Variants in SYNRG observed in about 807,000 individuals in gnomAD.
SYNRG encodes AP1 gamma subunit binding protein 1.
Under a neutral mutation model 130.9 loss-of-function variants are expected in SYNRG, and 37 were observed. That is an observed-to-expected ratio of 0.28 (90% confidence interval 0.22 to 0.37). The LOEUF is 0.37. Ranked by LOEUF, SYNRG falls within the 10% of genes least tolerant of loss-of-function variation. The pLI, the probability that SYNRG is intolerant of heterozygous loss-of-function variation, is 1.00. For synonymous variants in SYNRG, 539 were observed against 568.1 expected (o/e 0.95, Z 0.73); for missense variants, 1,338 against 1,588.9 (o/e 0.84, Z 2.68).
rs764937437 is a variant in SYNRG, at chr17:37,561,211, T to C, written c.1647A>G (p.Ala549=). ...YSAFRELEQT[A]ENKPLGESFA... ...AAAACTTACCTAAAGGTTTATTCTC[T>C]GCTGTCTGTTCAAGTTCTCTGAAAG... is the stretch of plus-strand genomic sequence containing the variant. The change falls in exon 13 of 22, where the codon GCA becomes GCG. Residue 549 remains alanine, a synonymous_variant. Coordinates refer to ENST00000612223, the MANE Select transcript of SYNRG (RefSeq NM_007247.6). The C allele has an allele frequency of 1.2e-6, 2 of 1,613,750 alleles. No individual in the cohort carries two copies. The highest frequency in any genetic ancestry group is 2.2e-5 in the South Asian group (2 of 91,046).
At chr17:37,521,162 A>G (rs1045285607) in intron 19 of SYNRG, among the ~76,000 whole-genome samples, 6 of 151,098 alleles carry the variant, frequency 4.0e-5, no homozygotes, top group Non-Finnish European at 7.4e-5. Context: ...CCTTCTGAGT[A>G]GCTGGGATTA....
intron 6 of SYNRG, among the ~76,000 whole-genome samples, chr17:37,581,523 C>T (rs2061336733): frequency 1.3e-5 from 2 of 152,150 alleles, no homozygotes; most frequent in African/African-American, 4.8e-5. Context: ...GGTGATCTGC[C>T]TGCCTTGGTC....
chr17:37,573,422 A>C (rs1158689887), intron 8 of SYNRG, among the ~76,000 whole-genome samples: 4 of 152,112 alleles, frequency 2.6e-5, no homozygotes, highest in Non-Finnish European at 4.4e-5. Flanking sequence ...AACAAACAAA[A>C]AAAACCATAT....
chr17:37,604,416 C>T (rs925630500), intron 1 of SYNRG, among the ~76,000 whole-genome samples: 1 of 152,130 alleles, frequency 6.6e-6, no homozygotes, highest in African/African-American at 2.4e-5. Flanking sequence ...TGTTAGCTTC[C>T]AACTTTTCTT....
chr17:37,598,745 T>C (rs1353773670), intron 2 of SYNRG, among the ~76,000 whole-genome samples: 3 of 152,188 alleles, frequency 2.0e-5, no homozygotes, highest in East Asian at 1.9e-4. Context: ...CCAAATTCCC[T>C]AAGAAAAAAT....
chr17:37,580,505 G>GTC, intron 6 of SYNRG, among the ~76,000 whole-genome samples: 1 of 136,860 alleles, frequency 7.3e-6, no homozygotes, highest in African/African-American at 3.2e-5. Context: ...GTGTGTGTGT[G>GTC]TGTGTGAGAG....
intron 13 of SYNRG, among the ~76,000 whole-genome samples, chr17:37,559,605 G>A (rs951589071): frequency 6.6e-6 from 1 of 152,094 alleles, no homozygotes. Context: ...AAGAAGAATC[G>A]CTTGAACCCA....
rs1334457303 is a variant in SYNRG at position 37,540,514 on chromosome 17, C to T, written c.3232G>A (p.Asp1078Asn). 2 of 1,614,078 alleles carry T rather than the reference C, an allele frequency of 1.2e-6. No individual in the cohort carries two copies. The highest frequency in any genetic ancestry group is 1.1e-5 in the South Asian group (1 of 91,082). The change falls in exon 16 of 22, where the codon GAT becomes AAT. Residue 1078 changes from aspartate (D) to asparagine (N), a missense_variant. Around this residue, in one of 3 missense-constraint regions of SYNRG, gnomAD observed 1,146 missense variants for 1,342.3 expected, o/e 0.85. Transcript: ENST00000612223. ...GSHKRSLSLG[D>N]KEISRSSPSP... ...GGAGAAGAACGGCTTATTTCTTTATCACCAAGGCTCAAACTCCTCTTGTGT... is the reference window on the plus strand; with the variant it reads ...GGAGAAGAACGGCTTATTTCTTTATTACCAAGGCTCAAACTCCTCTTGTGT...
chr17:37,567,222 G>A (rs2145877014), intron 11 of SYNRG: 1 of 152,382 alleles, frequency 6.6e-6, no homozygotes, highest in Non-Finnish European at 1.5e-5. Flanking sequence ...GTGGGCAGGA[G>A]TTAAGATCAC....
rs1034742741 is a variant in SYNRG at position 37,602,119 on chromosome 17, T to C, written c.78-1716A>G. On this transcript the variant is annotated intron_variant, in intron 1 of 21. Transcript: ENST00000612223. ...GGGAGGCCAAGGTAGGTGGATCACCTGAGGTTGGGAGTTCCAGACCAGCCT... is the reference window on the plus strand; with the variant it reads ...GGGAGGCCAAGGTAGGTGGATCACCCGAGGTTGGGAGTTCCAGACCAGCCT... Among the ~76,000 whole-genome samples, 10 of 152,210 alleles carry C rather than the reference T, an allele frequency of 6.6e-5. No homozygotes were observed. The East Asian group carries it at 1.6e-3, about 24-fold the overall frequency.
At chr17:37,588,258 CTTTTTT>C (rs35767898) in intron 3 of SYNRG, among the ~76,000 whole-genome samples, 1 of 103,204 alleles carries the variant, frequency 9.7e-6, no homozygotes, top group African/African-American at 3.9e-5. Context: ...ACTTTAAATT[CTTTTTT>C]TTTTTTTTTT....
chr17:37,565,740 T>C (rs1366966859), intron 11 of SYNRG, among the ~76,000 whole-genome samples: 27 of 125,784 alleles, frequency 2.1e-4, no homozygotes, highest in African/African-American at 3.7e-4. Flanking sequence ...GCCGCGACCC[T>C]GTCTGGGAGG....
At chr17:37,557,216 T>C (rs1598325783) in intron 13 of SYNRG, 1 of 152,192 alleles carries the variant, frequency 6.6e-6, no homozygotes, top group Non-Finnish European at 1.5e-5. Flanking sequence ...AAAATTTCAA[T>C]AAAAATGTGT....
intron 14 of SYNRG, among the ~76,000 whole-genome samples, chr17:37,548,181 TCA>T (rs2058430471): frequency 6.6e-6 from 1 of 152,148 alleles, no homozygotes; most frequent in African/African-American, 2.4e-5. Context: ...AAGAAATTCC[TCA>T]GTCAAAGCCA....
chr17:37,593,135 C>T (rs1334746181), intron 3 of SYNRG, among the ~76,000 whole-genome samples: 16 of 151,916 alleles, frequency 1.1e-4, no homozygotes, highest in South Asian at 2.1e-4. Context: ...AATTTCTGGC[C>T]GGCGCGATGG....
At chr17:37,578,548 C>T (rs1014911619) in intron 6 of SYNRG, among the ~76,000 whole-genome samples, 6 of 152,204 alleles carry the variant, frequency 3.9e-5, no homozygotes. Flanking sequence ...CCTAGGGAGG[C>T]CTCTGGCCAG....
chr17:37,600,952 G>C (rs2063216915), intron 1 of SYNRG: 1 of 157,190 alleles, frequency 6.4e-6, no homozygotes, highest in Admixed American at 6.4e-5. Flanking sequence ...TATATTTTGA[G>C]CAAAAGCTCT....
rs34008016 is a variant in SYNRG at position 37,577,695 on chromosome 17, CTTTTTTTTTTTT to C, written c.590-94_590-83del. ...AACCATCCATCTCCACCCCCATATTCTTTTTTTTTTTTTTTTTTTTTGAGATGGAATCTCACT... is the reference window on the plus strand; with the variant it reads ...AACCATCCATCTCCACCCCCATATTCTTTTTTTTTGAGATGGAATCTCACT... On this transcript the variant is annotated intron_variant, in intron 6 of 21. Transcript: ENST00000612223. The C allele has an allele frequency of 4.1e-5, 24 of 584,704 alleles. 1 individual carries two copies. Among genetic ancestry groups the C allele is most frequent in the Non-Finnish European group, 6.5e-5 (24 of 370,488 alleles). The allele number at this position is 584,704 out of a possible 1,614,324, so 36.2% of individuals were successfully genotyped here.
chr17:37,539,172 C>T lies in SYNRG; in HGVS notation c.3420+20G>A, dbSNP rs761856042. ...AAAAGAGCACTCACATATGTGTGAA[C>T]GCGTAAGTGACATACTCACATTCAG... On this transcript the variant is annotated intron_variant, in intron 17 of 21. Coordinates refer to ENST00000612223, the MANE Select transcript of SYNRG (RefSeq NM_007247.6). The T allele has an allele frequency of 5.0e-5, 81 of 1,613,532 alleles. No individual in the cohort carries two copies. In the East Asian group the frequency reaches 8.0e-4, roughly 16 times the overall value.
Sources: allele counts gnomAD v4.1 joint callset (sites outside exome capture counted in the v4.1 genomes callset), GRCh38; gene constraint gnomAD v4.1.1; regional missense constraint gnomAD v4.1.1; transcripts MANE v1.5; gene names NCBI Gene and HGNC (gene_info 2026-07-23, HGNC 2026-07-21).